The following HTT-AS variants were observed in gnomAD, a reference collection of about 807,000 sequenced individuals.
HTT-AS encodes the protein HTT antisense RNA, also known as HTT antisense RNA (head to head).
chr4:3,066,329 C>A (rs981761742), intron 1 of HTT-AS, among the ~76,000 whole-genome samples: 3 of 152,140 alleles, frequency 2.0e-5, no homozygotes, highest in African/African-American at 7.2e-5. Context: ...GCCACTACAC[C>A]CAGCTGATTT....
At chr4:3,052,814 C>A (rs1012521049) in intron 2 of HTT-AS, among the ~76,000 whole-genome samples, 3 of 151,960 alleles carry the variant, frequency 2.0e-5, no homozygotes, top group African/African-American at 7.3e-5. Flanking sequence ...CATGGTGAAA[C>A]CCCACCTCTA....
downstream of HTT-AS, among the ~76,000 whole-genome samples, chr4:3,047,744 C>T (rs747852367): frequency 5.3e-5 from 8 of 152,358 alleles, no homozygotes; most frequent in African/African-American, 1.4e-4. Flanking sequence ...CACAGCCATC[C>T]GGAGGCCTGA....
intron 1 of HTT-AS, chr4:3,069,961 C>G (rs933863869): frequency 6.6e-6 from 1 of 152,346 alleles, no homozygotes. Flanking sequence ...TCCAGCCCCA[C>G]CCCGCGTGCA....
chr4:3,071,321 T>C (rs911824241), intron 1 of HTT-AS, among the ~76,000 whole-genome samples: 2 of 152,188 alleles, frequency 1.3e-5, no homozygotes, highest in African/African-American at 4.8e-5. Context: ...CCCCAGGATG[T>C]GGCTTTTATG....
At chr4:3,048,459 C>G (rs898202467), downstream of HTT-AS, among the ~76,000 whole-genome samples, 1 of 152,158 alleles carries the variant, frequency 6.6e-6, no homozygotes, top group African/African-American at 2.4e-5. Context: ...ATTATGATTA[C>G]TGGGAGGATA....
chr4:3,055,935 C>T (rs1711796020), intron 2 of HTT-AS, among the ~76,000 whole-genome samples: 1 of 152,218 alleles, frequency 6.6e-6, no homozygotes, highest in Admixed American at 6.5e-5. Flanking sequence ...CAAATCTATT[C>T]CTGGACCCAT....
At chr4:3,068,305 CAAAAAAAAAA>C (rs759119862) in intron 1 of HTT-AS, among the ~76,000 whole-genome samples, 6 of 13,076 alleles carry the variant, frequency 4.6e-4, no homozygotes, top group Admixed American at 9.0e-4. Flanking sequence ...GACTCTGTCT[CAAAAAAAAAA>C]AAAAAAAAAA....
chr4:3,065,826 G>T (rs80093929), intron 1 of HTT-AS, among the ~76,000 whole-genome samples: 7 of 152,290 alleles, frequency 4.6e-5, no homozygotes, highest in Admixed American at 4.6e-4. Flanking sequence ...CTAGCCTGGG[G>T]AAAGATCAAA....
chr4:3,072,431 A>C (rs61101785), intron 1 of HTT-AS, among the ~76,000 whole-genome samples: 1,834 of 152,308 alleles, frequency 0.012, 39 homozygotes, highest in African/African-American at 0.041. Context: ...GTGACATTCC[A>C]TCACCTTTGC....
chr4:3,059,353 A>C (rs1711880194), intron 2 of HTT-AS, among the ~76,000 whole-genome samples: 1 of 151,648 alleles, frequency 6.6e-6, no homozygotes, highest in Admixed American at 6.6e-5. Context: ...AGTCTCCCTG[A>C]ATCTGCTGTG....
At chr4:3,073,485 A>C (rs1042931101) in intron 1 of HTT-AS, among the ~76,000 whole-genome samples, 1 of 152,232 alleles carries the variant, frequency 6.6e-6, no homozygotes, top group African/African-American at 2.4e-5. Flanking sequence ...GGAAGGTCAG[A>C]GCAGGGGTGC....
At chr4:3,052,550 GT>G (rs1711723253) in intron 2 of HTT-AS, among the ~76,000 whole-genome samples, 1 of 152,146 alleles carries the variant, frequency 6.6e-6, no homozygotes, top group African/African-American at 2.4e-5. Context: ...ATTATCTACT[GT>G]TTTTTACTTG....
chr4:3,061,449 G>A (rs1320562315), intron 2 of HTT-AS, among the ~76,000 whole-genome samples: 1 of 152,186 alleles, frequency 6.6e-6, no homozygotes, highest in East Asian at 1.9e-4. Context: ...GGGAGGCGGA[G>A]GTGGGTGGAT....
At chr4:3,049,990 G>C (rs1711673911) in intron 2 of HTT-AS, among the ~76,000 whole-genome samples, 1 of 137,066 alleles carries the variant, frequency 7.3e-6, no homozygotes, top group African/African-American at 2.8e-5. Context: ...CTGTCACCCA[G>C]GCTGGAGTGC....
At chr4:3,053,589 A>G (rs1711751804) in intron 2 of HTT-AS, among the ~76,000 whole-genome samples, 1 of 152,186 alleles carries the variant, frequency 6.6e-6, no homozygotes, top group African/African-American at 2.4e-5. Context: ...GGCTTTAAGA[A>G]AAATGAGTGC....
At chr4:3,062,468 G>A (rs180925341) in exon 2 of HTT-AS, among the ~76,000 whole-genome samples, 39 of 152,176 alleles carry the variant, frequency 2.6e-4, no homozygotes, top group African/African-American at 6.5e-4. Context: ...CCCGGACTTC[G>A]ATTCTAGGCA....
intron 2 of HTT-AS, among the ~76,000 whole-genome samples, chr4:3,051,693 T>C (rs1484837524): frequency 6.6e-6 from 1 of 151,758 alleles, no homozygotes; most frequent in Non-Finnish European, 1.5e-5. Context: ...CTGTAAAGTT[T>C]TGATTAATGG....
intron 1 of HTT-AS, among the ~76,000 whole-genome samples, chr4:3,073,969 T>C (rs1348715168): frequency 6.6e-6 from 1 of 151,960 alleles, no homozygotes; most frequent in Non-Finnish European, 1.5e-5. Context: ...CGGGGGATCC[T>C]TTCCGCATGG....
intron 2 of HTT-AS, among the ~76,000 whole-genome samples, chr4:3,059,940 C>G (rs1258901427): frequency 1.7e-5 from 2 of 115,066 alleles, no homozygotes; most frequent in Non-Finnish European, 3.5e-5. Context: ...TTTTTTGAGA[C>G]GGAGTCTCAT....
Sources: allele counts gnomAD v4.1 joint callset (sites outside exome capture counted in the v4.1 genomes callset), GRCh38; gene constraint gnomAD v4.1.1; transcripts MANE v1.5; gene names NCBI Gene and HGNC (gene_info 2026-07-23, HGNC 2026-07-21).